The following FOXN2 variants were observed in gnomAD, a reference collection of about 807,000 sequenced individuals.
The protein encoded by FOXN2 is forkhead box protein N2.
In FOXN2, 19 loss-of-function variants were observed where a neutral mutation model predicts 41.2. The observed-to-expected ratio is 0.46, with a 90% CI of 0.32 to 0.68. The LOEUF is 0.68. Among genes scored for constraint, FOXN2 ranks in the 30% least tolerant of loss-of-function variants. The pLI, the probability that FOXN2 is intolerant of heterozygous loss-of-function variation, is 0.03. For missense variants in FOXN2, 587 were observed against 509.4 expected, an observed-to-expected ratio of 1.15 and a Z score of -1.47; for synonymous variants, 195 against 176.8, an observed-to-expected ratio of 1.10 and a Z score of -0.82.
At chr2:48,327,455 T>C (rs888150342) in intron 1 of FOXN2, among the ~76,000 whole-genome samples, 13 of 152,140 alleles carry the variant, frequency 8.5e-5, no homozygotes, top group African/African-American at 3.1e-4. Context: ...GATAGTCTTT[T>C]TTTTTTTGAG....
Position 48,375,913 on chromosome 2 carries a change from T to G in FOXN2, c.*470T>G, listed in dbSNP as rs903322187. On this transcript the variant is annotated 3_prime_UTR_variant, in exon 7 of 7. Transcript: ENST00000340553. ...AATCCGGTAACATAAGATTGAAATT[T>G]TTTTACTTTGTCTTAATTTGTTTCT... 6.5e-6 allele frequency: 1 copy of G among 153,024 alleles called. No individual in the cohort carries two copies. Among genetic ancestry groups the G allele is most frequent in the African/African-American group, 2.4e-5 (1 of 41,486 alleles). The allele number at this position is 153,024 out of a possible 1,614,324, so 9.5% of individuals were successfully genotyped here.
At position 48,321,317 on chromosome 2, in the gene FOXN2, C is replaced by T. The variant is rs1178041090; in HGVS notation, c.-157+6503C>T. On this transcript the variant is annotated intron_variant, in intron 1 of 6. Coordinates refer to ENST00000340553, the MANE Select transcript of FOXN2 (RefSeq NM_002158.4). Reference sequence around the variant, plus strand: ...TTGGGAGGCCAGGGTGGGCGGATCACGAGGTCAGGAGATCGAGACCGTCTG... The same window carrying T: ...TTGGGAGGCCAGGGTGGGCGGATCATGAGGTCAGGAGATCGAGACCGTCTG... Among the ~76,000 whole-genome samples the T allele has an allele frequency of 2.6e-5, 4 of 152,070 alleles. No individual in the cohort carries two copies. The South Asian group carries it at 6.2e-4, about 24-fold the overall frequency.
At position 48,353,559 on chromosome 2, in the gene FOXN2, T is replaced by C. The variant is rs1470561977; in HGVS notation, c.538-5488T>C. 1.4e-3 allele frequency among the ~76,000 whole-genome samples: 20 copies of C among 14,640 alleles called. No homozygotes were observed. In the South Asian group the frequency reaches 0.038, roughly 28 times the overall value. The allele number at this position is 14,640 out of a possible 152,430, so 9.6% of individuals were successfully genotyped here. On this transcript the variant is annotated intron_variant, in intron 3 of 6. Coordinates refer to ENST00000340553, the MANE Select transcript of FOXN2 (RefSeq NM_002158.4). The stretch of plus-strand genomic sequence containing the variant: ...TAGAATAGTCACTTAAGACTGTGTG[T>C]GTGTGTGTGTGTGTGTGTGTGTGTG...
chr2:48,368,081 A>G (rs946816376), intron 5 of FOXN2, among the ~76,000 whole-genome samples: 1 of 152,118 alleles, frequency 6.6e-6, no homozygotes, highest in Non-Finnish European at 1.5e-5. Flanking sequence ...ACCTCAAGTG[A>G]TCCACCCACC....
intron 5 of FOXN2, among the ~76,000 whole-genome samples, chr2:48,362,979 CTA>C (rs1321572264): frequency 6.6e-6 from 1 of 152,136 alleles, no homozygotes; most frequent in Non-Finnish European, 1.5e-5. Context: ...TGGTAATAAA[CTA>C]TGTCACTAGT....
At position 48,351,281 on chromosome 2, in the gene FOXN2, T is replaced by C. The variant is rs529063977; in HGVS notation, c.537+4530T>C. Among the ~76,000 whole-genome samples, 3 of 152,156 alleles carry C rather than the reference T, an allele frequency of 2.0e-5. No homozygotes were observed. In the East Asian group the frequency reaches 5.8e-4, roughly 29 times the overall value. ...TCGGCCAAAGTTGAATCCAATGTTT[T>C]TCGTTTTGTTTTGTGAGACAGAGTC... On this transcript the variant is annotated intron_variant, in intron 3 of 6. Coordinates refer to ENST00000340553, the MANE Select transcript of FOXN2 (RefSeq NM_002158.4).
intron 3 of FOXN2, among the ~76,000 whole-genome samples, chr2:48,356,115 C>A (rs923749328): frequency 1.3e-5 from 2 of 152,048 alleles, no homozygotes; most frequent in Middle Eastern, 6.8e-3. Context: ...CAGAGCAAGA[C>A]TCTGTCTCCA....
At chr2:48,351,117 C>T (rs1671418064) in intron 3 of FOXN2, among the ~76,000 whole-genome samples, 1 of 151,918 alleles carries the variant, frequency 6.6e-6, no homozygotes, top group Non-Finnish European at 1.5e-5. Context: ...TGTACCACCA[C>T]ACCCAGCTAA....
intron 1 of FOXN2, among the ~76,000 whole-genome samples, chr2:48,321,350 C>A (rs577887403): frequency 6.6e-6 from 1 of 151,970 alleles, no homozygotes; most frequent in Non-Finnish European, 1.5e-5. Context: ...CTGGCTAACA[C>A]GGTGAAACCC....
At chr2:48,316,566 T>C (rs1373659063) in intron 1 of FOXN2, among the ~76,000 whole-genome samples, 2 of 152,176 alleles carry the variant, frequency 1.3e-5, no homozygotes, top group Non-Finnish European at 2.9e-5. Flanking sequence ...ATGTGTGCTT[T>C]GTAAAGCTTT....
At chr2:48,334,480 A>G (rs1309501482) in intron 2 of FOXN2, among the ~76,000 whole-genome samples, 1 of 144,168 alleles carries the variant, frequency 6.9e-6, no homozygotes, top group African/African-American at 2.5e-5. Flanking sequence ...ACTAATGTAA[A>G]CATCTGTTTC....
chr2:48,344,151 T>G (rs1670946927), intron 2 of FOXN2, among the ~76,000 whole-genome samples: 2 of 152,196 alleles, frequency 1.3e-5, no homozygotes, highest in African/African-American at 2.4e-5. Flanking sequence ...AAATGAATAA[T>G]TTGGTCACTT....
intron 2 of FOXN2, chr2:48,340,741 A>G (rs1381176321): frequency 6.6e-6 from 1 of 152,204 alleles, no homozygotes; most frequent in Non-Finnish European, 1.5e-5. Context: ...AAGTAATTGC[A>G]GTGGGGTATT....
chr2:48,359,751 T>A (rs1288756704), intron 4 of FOXN2, among the ~76,000 whole-genome samples: 1 of 152,174 alleles, frequency 6.6e-6, no homozygotes, highest in Non-Finnish European at 1.5e-5. Flanking sequence ...TAGTCAATAC[T>A]GAGTATAAGT....
intron 3 of FOXN2, among the ~76,000 whole-genome samples, chr2:48,355,533 T>G (rs1671737481): frequency 6.6e-6 from 1 of 152,050 alleles, no homozygotes; most frequent in African/African-American, 2.4e-5. Flanking sequence ...TACATTCAAG[T>G]AGATTTGGGA....
intron 5 of FOXN2, among the ~76,000 whole-genome samples, chr2:48,365,740 G>C (rs1471761731): frequency 6.6e-6 from 1 of 152,132 alleles, no homozygotes; most frequent in African/African-American, 2.4e-5. Flanking sequence ...TTAGTGGGGA[G>C]GTCGTTGGCA....
rs1572788878 is a variant in FOXN2 at position 48,375,679 on chromosome 2, C to T, written c.*236C>T. The stretch of plus-strand genomic sequence containing the variant: ...GCATAATTTTTGTGATAAATGTGTC[C>T]AAGATTTGAAAATTTTTATATAAGA... On this transcript the variant is annotated 3_prime_UTR_variant, in exon 7 of 7. Coordinates refer to ENST00000340553, the MANE Select transcript of FOXN2 (RefSeq NM_002158.4). 5.5e-6 allele frequency: 2 copies of T among 364,238 alleles called. No homozygotes were observed. The highest frequency in any genetic ancestry group is 4.2e-5 in the Admixed American group (1 of 23,940). The allele number at this position is 364,238 out of a possible 1,614,324, so 22.6% of individuals were successfully genotyped here. A position where few individuals can be genotyped will look rare whatever the true frequency, so the allele number is the denominator to read the frequency against.
At chr2:48,317,850 G>A (rs1010675013) in intron 1 of FOXN2, among the ~76,000 whole-genome samples, 1 of 151,428 alleles carries the variant, frequency 6.6e-6, no homozygotes, top group Non-Finnish European at 1.5e-5. Flanking sequence ...TCAGGTATCC[G>A]CCTGCCTCAG....
At chr2:48,327,304 T>C (rs915233998) in intron 1 of FOXN2, among the ~76,000 whole-genome samples, 1 of 152,202 alleles carries the variant, frequency 6.6e-6, no homozygotes, top group African/African-American at 2.4e-5. Context: ...TTGCTAACCA[T>C]GTCTACTAGT....
Sources: allele counts gnomAD v4.1 joint callset (sites outside exome capture counted in the v4.1 genomes callset), GRCh38; gene constraint gnomAD v4.1.1; transcripts MANE v1.5; gene names NCBI Gene and HGNC (gene_info 2026-07-23, HGNC 2026-07-21).